Variants in HTR4 observed in about 807,000 individuals in gnomAD.
The protein encoded by HTR4 is 5-hydroxytryptamine receptor 4.
Under a neutral mutation model 36.8 loss-of-function variants are expected in HTR4, and 16 were observed. That is an observed-to-expected ratio of 0.43 (90% CI 0.29 to 0.66). The LOEUF is 0.66. HTR4 is among the 30% of genes least tolerant of loss of function. The probability of loss-of-function intolerance (pLI) is 0.13; values close to 1 mark genes in which losing one functional copy is unlikely to be tolerated. For synonymous variants in HTR4, 189 were observed against 185.1 expected (o/e 1.02, Z -0.17); for missense variants, 438 against 490.9 (o/e 0.89, Z 1.02).
intron 2 of HTR4, among the ~76,000 whole-genome samples, chr5:148,605,963 T>G (rs1374720102): frequency 6.6e-6 from 1 of 152,130 alleles, no homozygotes; most frequent in African/African-American, 2.4e-5. Context: ...CTATGCTTAG[T>G]GGGGGATAAT....
chr5:148,471,478 A>C (rs1755566045), intron 5 of HTR4, among the ~76,000 whole-genome samples: 1 of 152,168 alleles, frequency 6.6e-6, no homozygotes, highest in Non-Finnish European at 1.5e-5. Context: ...TCCAGTTTCT[A>C]GGGAACCTGG....
At chr5:148,566,294 A>G (rs1225386301) in intron 2 of HTR4, among the ~76,000 whole-genome samples, 1 of 152,212 alleles carries the variant, frequency 6.6e-6, no homozygotes, top group African/African-American at 2.4e-5. Flanking sequence ...GGGTCCAGAT[A>G]CTATAGTGAA....
downstream of HTR4, among the ~76,000 whole-genome samples, chr5:148,479,763 G>A (rs2113713428): frequency 1.3e-5 from 2 of 152,256 alleles, no homozygotes; most frequent in South Asian, 4.2e-4. Context: ...TTTGAAATTA[G>A]AGAATTAAGT....
intron 5 of HTR4, among the ~76,000 whole-genome samples, chr5:148,463,797 A>G (rs1175638201): frequency 6.6e-6 from 1 of 152,130 alleles, no homozygotes; most frequent in Non-Finnish European, 1.5e-5. Context: ...AAGGAGGAGA[A>G]TAAAGTCAGA....
chr5:148,516,599 T>A (rs1336210807), intron 5 of HTR4, among the ~76,000 whole-genome samples: 2 of 151,510 alleles, frequency 1.3e-5, no homozygotes, highest in African/African-American at 4.9e-5. Flanking sequence ...ATTACAGGCG[T>A]GAGCCACCGC....
At chr5:148,540,497 T>TA (rs1344417728) in intron 4 of HTR4, among the ~76,000 whole-genome samples, 27 of 144,932 alleles carry the variant, frequency 1.9e-4, no homozygotes, top group East Asian at 1.2e-3. Flanking sequence ...AAGATATTTA[T>TA]AAAAAATAGG....
intron 5 of HTR4, among the ~76,000 whole-genome samples, chr5:148,522,023 A>G (rs950702373): frequency 1.3e-5 from 2 of 152,138 alleles, no homozygotes; most frequent in Admixed American, 1.3e-4. Flanking sequence ...TAACTGAATT[A>G]TGGGGGTGGT....
intron 2 of HTR4, among the ~76,000 whole-genome samples, chr5:148,567,096 GT>G (rs1760476284): frequency 6.6e-6 from 1 of 152,058 alleles, no homozygotes; most frequent in African/African-American, 2.4e-5. Context: ...ATTTTAAGAA[GT>G]TTTTAATTGC....
At chr5:148,529,378 G>C (rs1054420175) in intron 4 of HTR4, among the ~76,000 whole-genome samples, 1 of 152,150 alleles carries the variant, frequency 6.6e-6, no homozygotes, top group Non-Finnish European at 1.5e-5. Context: ...TTGAATCACG[G>C]GAGTGCGTCT....
At chr5:148,522,713 A>C (rs781425141) in intron 5 of HTR4, among the ~76,000 whole-genome samples, 7 of 152,186 alleles carry the variant, frequency 4.6e-5, no homozygotes, top group Non-Finnish European at 8.8e-5. Flanking sequence ...ATTTATAGCC[A>C]AACAGCATGG....
intron 2 of HTR4, among the ~76,000 whole-genome samples, chr5:148,604,007 T>C (rs1752035744): frequency 2.0e-5 from 3 of 152,082 alleles, no homozygotes; most frequent in Non-Finnish European, 2.9e-5. Context: ...CCTTACCATA[T>C]ACCATGTAAA....
intron 2 of HTR4, among the ~76,000 whole-genome samples, chr5:148,622,544 C>T (rs980540087): frequency 7.2e-5 from 11 of 152,306 alleles, no homozygotes; most frequent in African/African-American, 2.6e-4. Flanking sequence ...TGTTTACTTA[C>T]TGACACATGG....
intron 4 of HTR4, among the ~76,000 whole-genome samples, chr5:148,546,491 A>G (rs17639469): frequency 0.033 from 4,956 of 152,298 alleles, 121 homozygotes; most frequent in South Asian, 0.061. Context: ...ATGACAACTC[A>G]TACCTACTCA....
chr5:148,535,655 C>G (rs1758778895), intron 4 of HTR4, among the ~76,000 whole-genome samples: 2 of 152,090 alleles, frequency 1.3e-5, no homozygotes, highest in Admixed American at 1.3e-4. Flanking sequence ...AAGATTGTCT[C>G]TCTAAAATAA....
At chr5:148,580,973 A>G (rs1460622776) in intron 2 of HTR4, among the ~76,000 whole-genome samples, 4 of 150,954 alleles carry the variant, frequency 2.6e-5, no homozygotes, top group Non-Finnish European at 5.9e-5. Flanking sequence ...GTACCGTTTT[A>G]CATTTTAAAG....
intron 2 of HTR4, among the ~76,000 whole-genome samples, chr5:148,604,532 A>G (rs1190931797): frequency 6.6e-6 from 1 of 152,210 alleles, no homozygotes; most frequent in Non-Finnish European, 1.5e-5. Flanking sequence ...GGGTACACAT[A>G]TGCAAGAAAA....
At chr5:148,485,147 AT>A (rs761197009) in intron 6 of HTR4, among the ~76,000 whole-genome samples, 6 of 152,186 alleles carry the variant, frequency 3.9e-5, no homozygotes, top group Non-Finnish European at 7.4e-5. Context: ...TATTATTGTC[AT>A]TATTAGCAAC....
intron 2 of HTR4, among the ~76,000 whole-genome samples, chr5:148,572,849 G>T (rs1300142000): frequency 6.6e-6 from 1 of 152,088 alleles, no homozygotes; most frequent in Non-Finnish European, 1.5e-5. Context: ...ACAGGCCACA[G>T]GCAGGCTATG....
At chr5:148,591,330 T>G (rs1031888409) in intron 2 of HTR4, among the ~76,000 whole-genome samples, 2 of 152,214 alleles carry the variant, frequency 1.3e-5, no homozygotes, top group South Asian at 4.1e-4. Flanking sequence ...TGGTTCCATA[T>G]GAATTTTAAA....
Sources: allele counts gnomAD v4.1 joint callset (sites outside exome capture counted in the v4.1 genomes callset), GRCh38; gene constraint gnomAD v4.1.1; transcripts MANE v1.5; gene names NCBI Gene and HGNC (gene_info 2026-07-23, HGNC 2026-07-21).